The following JARID2 variants were observed in gnomAD, a reference collection of about 807,000 sequenced individuals.
JARID2 encodes the protein protein Jumonji.
In JARID2, 21 loss-of-function variants were observed where a neutral mutation model predicts 125.6. The ratio of observed to expected loss-of-function variants is 0.17; its 90% CI spans 0.12 to 0.24. The LOEUF (loss-of-function observed/expected upper bound fraction) is 0.24. Among genes scored for constraint, JARID2 ranks in the 10% least tolerant of loss-of-function variants. The pLI, the probability that JARID2 is intolerant of heterozygous loss-of-function variation, is 1.00. For synonymous variants in JARID2, 736 were observed against 661.6 expected, an observed-to-expected ratio of 1.11 and a Z score of -1.73; for missense variants, 1,303 against 1,639.6, an observed-to-expected ratio of 0.79 and a Z score of 3.55.
At chr6:15,410,476 CAT>C in intron 3 of JARID2, 111 bp downstream of exon 3, 1 of 997,980 alleles carries the variant, frequency 1.0e-6, no homozygotes, top group East Asian at 2.4e-5. Flanking sequence ...TCTTGATTTT[CAT>C]AGAGGAGCCA....
intron 1 of JARID2, among the ~76,000 whole-genome samples, chr6:15,251,001 C>T (rs1019632930): frequency 4.0e-5 from 6 of 151,450 alleles, no homozygotes; most frequent in African/African-American, 1.5e-4. Context: ...GAAGGCTAAC[C>T]TAGAGAGCAT....
intron 1 of JARID2, among the ~76,000 whole-genome samples, chr6:15,278,724 C>G (rs1037238748): frequency 2.0e-5 from 3 of 152,198 alleles, no homozygotes; most frequent in East Asian, 3.9e-4. Context: ...AGTCTCATAT[C>G]TGCCATACCT....
chr6:15,262,353 T>A (rs778499600), intron 1 of JARID2, among the ~76,000 whole-genome samples: 1 of 152,074 alleles, frequency 6.6e-6, no homozygotes, highest in African/African-American at 2.4e-5. Flanking sequence ...TGGAATCATA[T>A]AATATGTGGA....
chr6:15,437,987 C>G (rs1326586111), intron 3 of JARID2, among the ~76,000 whole-genome samples: 2 of 152,086 alleles, frequency 1.3e-5, no homozygotes, highest in Non-Finnish European at 2.9e-5. Context: ...TTGTCAGTGT[C>G]TGTTAGTATT....
chr6:15,248,073 C>T, intron 1 of JARID2: 1 of 985,296 alleles, frequency 1.0e-6, no homozygotes, highest in Non-Finnish European at 1.2e-6. Flanking sequence ...GGTTTTCTTT[C>T]TTATTGCGGG....
At chr6:15,387,638 C>T (rs1764838977) in intron 2 of JARID2, among the ~76,000 whole-genome samples, 1 of 152,136 alleles carries the variant, frequency 6.6e-6, no homozygotes, top group African/African-American at 2.4e-5. Context: ...AATTTTATTC[C>T]AGTCTAACTG....
intron 5 of JARID2, among the ~76,000 whole-genome samples, chr6:15,471,608 C>T (rs1769081274): frequency 6.6e-6 from 1 of 152,280 alleles, no homozygotes. Flanking sequence ...TGCAGTTGTA[C>T]TGGGGTTGCT....
chr6:15,430,575 A>C (rs146675254), intron 3 of JARID2, among the ~76,000 whole-genome samples: 1 of 152,316 alleles, frequency 6.6e-6, no homozygotes, highest in African/African-American at 2.4e-5. Context: ...AATTAAGTAA[A>C]TTGTTTTCTA....
At chr6:15,290,842 G>A (rs12209453) in intron 1 of JARID2, among the ~76,000 whole-genome samples, 5,340 of 152,232 alleles carry the variant, frequency 0.035, 146 homozygotes, top group South Asian at 0.11. Flanking sequence ...GTATGGTCTC[G>A]ATCTGCTGAC....
intron 12 of JARID2, chr6:15,509,003 T>C: frequency 7.8e-7 from 1 of 1,289,378 alleles, no homozygotes; most frequent in Non-Finnish European, 1.0e-6. Context: ...TATCGGTGGC[T>C]GTGGGGAGTA....
chr6:15,507,476 G>A, intron 11 of JARID2, 60 bp downstream of exon 11: 8 of 1,446,826 alleles, frequency 5.5e-6, no homozygotes, highest in Non-Finnish European at 7.8e-6. Context: ...TACTTGCTGA[G>A]AACCAGGGCT....
chr6:15,255,304 C>T (rs1482714242), intron 1 of JARID2, among the ~76,000 whole-genome samples: 2 of 152,058 alleles, frequency 1.3e-5, no homozygotes, highest in Non-Finnish European at 2.9e-5. Flanking sequence ...GGGGTTTCAC[C>T]CTGTTGGCCA....
Position 15,511,421 on chromosome 6 carries a change from G to A in JARID2, c.2952+20G>A, listed in dbSNP as rs749398184. ...GTCATGGTGCGTCCACTCAGCCACC[G>A]CCTCCAGCAGGAGCTGTAGGACCTC... On this transcript the variant is annotated intron_variant, in intron 13 of 17. Transcript: ENST00000341776. The A allele has an allele frequency of 1.5e-5, 23 of 1,545,284 alleles. No individual in the cohort carries two copies. The highest frequency in any genetic ancestry group is 7.8e-5 in the South Asian group (7 of 89,734).
At chr6:15,372,134 A>G (rs1764194233) in intron 1 of JARID2, among the ~76,000 whole-genome samples, 1 of 152,224 alleles carries the variant, frequency 6.6e-6, no homozygotes. Flanking sequence ...TGCAGAGTAT[A>G]GGAACGTAAG....
chr6:15,438,543 G>C (rs1561863070), intron 3 of JARID2, among the ~76,000 whole-genome samples: 1 of 152,206 alleles, frequency 6.6e-6, no homozygotes, highest in African/African-American at 2.4e-5. Context: ...CAAAATGTGA[G>C]TATTTTTCTG....
intron 3 of JARID2, among the ~76,000 whole-genome samples, chr6:15,414,801 CAT>C (rs772262141): frequency 2.0e-4 from 31 of 151,826 alleles, no homozygotes; most frequent in African/African-American, 4.6e-4. Context: ...TAGTTTATAA[CAT>C]ATATTTTTTT....
intron 1 of JARID2, among the ~76,000 whole-genome samples, chr6:15,350,708 C>G (rs1164793430): frequency 2.1e-5 from 3 of 146,186 alleles, no homozygotes; most frequent in Non-Finnish European, 4.5e-5. Flanking sequence ...GATTTCATTT[C>G]AATGCCAAAT....
At chr6:15,395,630 C>T (rs1432794029) in intron 2 of JARID2, among the ~76,000 whole-genome samples, 1 of 151,904 alleles carries the variant, frequency 6.6e-6, no homozygotes, top group Non-Finnish European at 1.5e-5. Context: ...GAACTCCTGA[C>T]CTCAGGTAAT....
At chr6:15,380,105 T>C (rs1356830279) in intron 2 of JARID2, among the ~76,000 whole-genome samples, 1 of 151,718 alleles carries the variant, frequency 6.6e-6, no homozygotes, top group Non-Finnish European at 1.5e-5. Flanking sequence ...GCGCAATCTC[T>C]GCCCACTGCA....
Sources: allele counts gnomAD v4.1 joint callset (sites outside exome capture counted in the v4.1 genomes callset), GRCh38; gene constraint gnomAD v4.1.1; transcripts MANE v1.5; gene names NCBI Gene and HGNC (gene_info 2026-07-23, HGNC 2026-07-21).